The following NUP98 variants were observed in gnomAD, a reference collection of about 807,000 sequenced individuals.
NUP98 encodes nucleoporin 98 and 96 precursor.
A neutral mutation model predicts 191.9 loss-of-function variants in NUP98; 26 were observed. The observed-to-expected ratio is 0.14, with a 90% confidence interval of 0.10 to 0.19. The LOEUF (loss-of-function observed/expected upper bound fraction) is 0.19, where lower values mean the gene tolerates loss of function less well. Ranked by LOEUF, NUP98 falls within the 10% of genes least tolerant of loss-of-function variation. NUP98 has a pLI of 1.00. For synonymous variants in NUP98, 808 were observed against 778.4 expected, an observed-to-expected ratio of 1.04 and a Z score of -0.63; for missense variants, 1,941 against 2,178.8, an observed-to-expected ratio of 0.89 and a Z score of 2.17.
intron 32 of NUP98, 49 bp from the exon 33 acceptor site, chr11:3,676,425 G>A (rs991535656): frequency 1.9e-6 from 3 of 1,606,784 alleles, no homozygotes; most frequent in African/African-American, 2.7e-5. Context: ...TCTGGAGAAG[G>A]GTGGTAGGCA....
intron 1 of NUP98, among the ~76,000 whole-genome samples, chr11:3,785,092 C>T (rs999091797): frequency 2.7e-5 from 4 of 150,442 alleles, no homozygotes; most frequent in South Asian, 4.2e-4. Context: ...GAGCTGAGAT[C>T]GTGCCACTGC....
At chr11:3,778,828 C>T (rs1192223015) in intron 4 of NUP98, 45 bp downstream of exon 4, 2 of 1,577,064 alleles carry the variant, frequency 1.3e-6, no homozygotes, top group Non-Finnish European at 1.7e-6. Flanking sequence ...ATTCAATAAG[C>T]AAACCAAATT....
In NUP98 at chr11:3,767,367, G is replaced by A. The variant is rs529531813; in HGVS notation, c.948+1214C>T. On this transcript the variant is annotated intron_variant, in intron 8 of 32. Transcript: ENST00000324932. ...TTTTGGGATGAAGTCTCTCTTCGTC[G>A]CCCAGGTTGGAGTGCCATGGAGCAA... is the stretch of plus-strand genomic sequence containing the variant. Among the ~76,000 whole-genome samples, 6 of 151,162 alleles carry A rather than the reference G, an allele frequency of 4.0e-5. No individual in the cohort carries two copies. In the East Asian group the frequency reaches 9.7e-4, roughly 24 times the overall value.
intron 10 of NUP98, chr11:3,760,112 CA>C (rs67500611): frequency 0.22 from 26,057 of 121,104 alleles, 2,034 homozygotes; most frequent in Non-Finnish European, 0.25. Flanking sequence ...TGTTCTCCAC[CA>C]AAAAAAAAAA....
At chr11:3,756,803 G>A (rs61877626) in intron 10 of NUP98, among the ~76,000 whole-genome samples, 10,532 of 151,928 alleles carry the variant, frequency 0.069, 384 homozygotes, top group Middle Eastern at 0.1. Flanking sequence ...AAAAAATTTT[G>A]TCGGCTGGGC....
At position 3,773,355 on chromosome 11, in the gene NUP98, A is replaced by C. The variant is rs1249510202; in HGVS notation, c.603+277T>G. ...GACTGCAGTGAGCTGTGATTGTGTC[A>C]CTGCATTCCAGCCTGGGCAAAAAAG... is the stretch of plus-strand genomic sequence containing the variant. On this transcript the variant is annotated intron_variant, in intron 6 of 32. Coordinates refer to ENST00000324932, the MANE Select transcript of NUP98 (RefSeq NM_016320.5). 1.3e-5 allele frequency among the ~76,000 whole-genome samples: 2 copies of C among 151,948 alleles called. 1 individual carries two copies. The highest frequency in any genetic ancestry group is 2.9e-5 in the Non-Finnish European group (2 of 67,984).
intron 8 of NUP98, among the ~76,000 whole-genome samples, chr11:3,763,881 G>A (rs938960160): frequency 1.3e-5 from 2 of 152,172 alleles, no homozygotes; most frequent in Non-Finnish European, 2.9e-5. Context: ...CATTTCCAAT[G>A]AGCAGTCTGC....
intron 1 of NUP98, among the ~76,000 whole-genome samples, chr11:3,793,147 T>C (rs568404959): frequency 6.6e-6 from 1 of 152,260 alleles, no homozygotes; most frequent in Non-Finnish European, 1.5e-5. Context: ...GACTGTAGTG[T>C]CAAAGAGCAG....
intron 2 of NUP98, among the ~76,000 whole-genome samples, chr11:3,780,222 C>T (rs934396383): frequency 4.0e-5 from 6 of 151,456 alleles, no homozygotes; most frequent in Non-Finnish European, 8.8e-5. Flanking sequence ...GATCAGGAGC[C>T]ACTTAAGAAA....
rs77546720 is a variant in NUP98, at chr11:3,779,056, A to C, written c.179-7T>G. 4.9e-4 allele frequency: 783 copies of C among 1,614,056 alleles called. 1 individual carries two copies. The East Asian group carries it at 0.014, about 28-fold the overall frequency. The stretch of plus-strand genomic sequence containing the variant: ...CTGGTTCCAAACAATCCTCCTGAGG[A>C]GATGGAGAAGGAGGGAAAAAGTTAA... On this transcript the variant is annotated splice_polypyrimidine_tract_variant and splice_region_variant and intron_variant, in intron 3 of 32. Coordinates refer to ENST00000324932, the MANE Select transcript of NUP98 (RefSeq NM_016320.5).
At chr11:3,697,983 T>C (rs2078564703) in intron 25 of NUP98, among the ~76,000 whole-genome samples, 1 of 152,152 alleles carries the variant, frequency 6.6e-6, no homozygotes, top group African/African-American at 2.4e-5. Flanking sequence ...AACTTCTATA[T>C]ATTTATTTGA....
At chr11:3,741,276 G>C (rs769940471) in intron 12 of NUP98, among the ~76,000 whole-genome samples, 1 of 151,874 alleles carries the variant, frequency 6.6e-6, no homozygotes, top group Non-Finnish European at 1.5e-5. Flanking sequence ...AGAAACAGGT[G>C]TTGTGGTTAA....
intron 29 of NUP98, among the ~76,000 whole-genome samples, chr11:3,685,529 A>G (rs1159476508): frequency 2.0e-5 from 3 of 152,180 alleles, no homozygotes; most frequent in African/African-American, 7.2e-5. Context: ...AGAGCCCACT[A>G]TGAGGAGAAT....
At chr11:3,745,926 C>T (rs1173696636) in intron 11 of NUP98, among the ~76,000 whole-genome samples, 2 of 152,124 alleles carry the variant, frequency 1.3e-5, no homozygotes, top group Non-Finnish European at 2.9e-5. Context: ...CAATATAAAT[C>T]AGTAAGGATG....
intron 12 of NUP98, among the ~76,000 whole-genome samples, chr11:3,737,762 A>C (rs1237661522): frequency 6.6e-6 from 1 of 152,206 alleles, no homozygotes; most frequent in African/African-American, 2.4e-5. Flanking sequence ...ATTTAACTAG[A>C]CAGGACAAGT....
At chr11:3,729,133 T>C (rs2079734597) in intron 14 of NUP98, among the ~76,000 whole-genome samples, 1 of 152,072 alleles carries the variant, frequency 6.6e-6, no homozygotes, top group Non-Finnish European at 1.5e-5. Context: ...AGGTCTGGGT[T>C]GGAGATAAAA....
At chr11:3,738,964 GTTTT>G (rs1202005633) in intron 12 of NUP98, among the ~76,000 whole-genome samples, 2 of 151,930 alleles carry the variant, frequency 1.3e-5, no homozygotes, top group African/African-American at 2.4e-5. Context: ...CATACCTGAG[GTTTT>G]TTTAAGACAA....
At position 3,746,294 on chromosome 11, in the gene NUP98, A is replaced by AAAAAAAAAAAAACG. The variant is rs144936005; in HGVS notation, c.1268-1646_1268-1645insCGTTTTTTTTTTTT. Among the ~76,000 whole-genome samples the AAAAAAAAAAAAACG allele has an allele frequency of 4.3e-5, 4 of 93,086 alleles. 1 individual carries two copies. The highest frequency in any genetic ancestry group is 1.0e-4 in the African/African-American group (2 of 19,952). 61.1% of individuals were successfully genotyped at this position (93,086 alleles called of 152,430 possible). A position where few individuals can be genotyped will look rare whatever the true frequency, so the allele number is the denominator to read the frequency against. On this transcript the variant is annotated intron_variant, in intron 11 of 32. Transcript: ENST00000324932. ...CAAAAAAAAAAAAAAAAAAAAAAAA[A>AAAAAAAAAAAAACG]GACAGCTTTGGGACAAAGAATAAGA...
In NUP98 at chr11:3,705,268, G is replaced by A. The variant is rs767880481; in HGVS notation, c.3014C>T (p.Thr1005Ile). Residue 1005 changes from threonine (T) to isoleucine (I), a missense_variant, in exon 22 of 33, where the codon ACT (threonine) becomes ATT (isoleucine). Thr to Ile is a moderately conservative substitution (Grantham distance 89). Transcript: ENST00000324932. ...TCTGGGAGAACAGATTTCTTGAGAA[G>A]TATCTGCTTTGGAAGGCAGGCGACT... ...RFSRLPSKAD[T>I]SQEICSPRLP... 6.8e-6 allele frequency: 11 copies of A among 1,614,174 alleles called. No individual in the cohort carries two copies. The East Asian group carries it at 1.6e-4, about 23-fold the overall frequency.
Sources: allele counts gnomAD v4.1 joint callset (sites outside exome capture counted in the v4.1 genomes callset), GRCh38; gene constraint gnomAD v4.1.1; transcripts MANE v1.5; gene names NCBI Gene and HGNC (gene_info 2026-07-23, HGNC 2026-07-21).